The following METAP1 variants were observed in gnomAD, a reference collection of about 807,000 sequenced individuals.
METAP1 encodes methionine aminopeptidase 1.
Under a neutral mutation model 53.8 loss-of-function variants are expected in METAP1, and 28 were observed. That is an observed-to-expected ratio of 0.52 (90% CI 0.39 to 0.71). The LOEUF is 0.71. METAP1 is among the 30% of genes least tolerant of loss of function. The probability of loss-of-function intolerance (pLI) is 0.00; values close to 1 mark genes in which losing one functional copy is unlikely to be tolerated. For missense variants in METAP1, 389 were observed against 479.8 expected (o/e 0.81, Z 1.77); for synonymous variants, 181 against 165.7 (o/e 1.09, Z -0.71).
chr4:99,054,798 G>C (rs1470399207), intron 9 of METAP1, among the ~76,000 whole-genome samples: 3 of 152,174 alleles, frequency 2.0e-5, no homozygotes, highest in African/African-American at 7.2e-5. Context: ...GGAGGCCTGA[G>C]GAGAGGGAGA....
rs1222734710 is a variant in METAP1 at position 99,046,848 on chromosome 4, T to G, written c.787+1538T>G. On this transcript the variant is annotated intron_variant, in intron 8 of 10. Coordinates refer to ENST00000296411, the MANE Select transcript of METAP1 (RefSeq NM_015143.3). ...GTTTAATTTGTCATTTGTGAAAGCT[T>G]AAGTTTGAAATAATTTTTAGAGTTT... Among the ~76,000 whole-genome samples, 3 of 148,934 alleles carry G rather than the reference T, an allele frequency of 2.0e-5. 1 individual carries two copies. The highest frequency in any genetic ancestry group is 4.2e-4 in the South Asian group (2 of 4,774).
intron 3 of METAP1, 98 bp from the exon 4 acceptor site, chr4:99,035,302 C>A: frequency 1.3e-6 from 1 of 774,838 alleles, no homozygotes; most frequent in Non-Finnish European, 2.2e-6. Flanking sequence ...ATTTAAGATG[C>A]CATTTAAAAC....
intron 9 of METAP1, among the ~76,000 whole-genome samples, chr4:99,055,470 C>T (rs1161748486): frequency 6.6e-6 from 1 of 151,790 alleles, no homozygotes; most frequent in Non-Finnish European, 1.5e-5. Context: ...TAAAACAAGG[C>T]ATGCCTGCAT....
At chr4:99,005,657 T>C (rs962361401) in intron 1 of METAP1, 2 of 276,182 alleles carry the variant, frequency 7.2e-6, no homozygotes, top group Non-Finnish European at 7.3e-6. Flanking sequence ...ATTGCAAAGA[T>C]AGGGAACCAA....
At position 99,012,678 on chromosome 4, in the gene METAP1, T is replaced by A. The variant is rs925168217; in HGVS notation, c.115-16189T>A. ...TTTTTTTTTTTTTTTTTTTTTTTTT[T>A]AAAGATTTAAAGAGGTTTATTCTGA... On this transcript the variant is annotated intron_variant, in intron 1 of 10. Transcript: ENST00000296411. Among the ~76,000 whole-genome samples, 448 of 145,594 alleles carry A rather than the reference T, an allele frequency of 3.1e-3. 5 individuals carry two copies. The highest frequency in any genetic ancestry group is 0.011 in the African/African-American group (415 of 38,120).
At chr4:99,026,995 C>T (rs1163575722) in intron 1 of METAP1, 1 of 359,002 alleles carries the variant, frequency 2.8e-6, no homozygotes, top group Non-Finnish European at 3.9e-6. Context: ...ATTCTATCAG[C>T]CCTCTTGTTA....
intron 2 of METAP1, chr4:99,031,650 TGTACCATGCA>T: frequency 8.9e-7 from 1 of 1,128,516 alleles, no homozygotes; most frequent in Non-Finnish European, 1.2e-6. Flanking sequence ...GCTTAGCATG[TGTACCATGCA>T]TAGTAAGTAC....
chr4:99,046,936 CAAAAAAAAAAA>C (rs56702946), intron 8 of METAP1, among the ~76,000 whole-genome samples: 2 of 82,208 alleles, frequency 2.4e-5, no homozygotes, highest in African/African-American at 7.5e-5. Flanking sequence ...ACTGAAGAAA[CAAAAAAAAAAA>C]AAAAAAAAAA....
intron 1 of METAP1, chr4:99,023,295 G>A (rs2110314080): frequency 3.7e-6 from 2 of 543,916 alleles, no homozygotes; most frequent in South Asian, 5.9e-5. Flanking sequence ...AGTTGCATAT[G>A]TTTTGCTCGT....
Position 99,057,815 on chromosome 4 carries a change from GA to G in METAP1, c.996del (p.Gly333AlafsTer15). On this transcript the variant is annotated frameshift_variant and splice_region_variant, in exon 10 of 11. Transcript: ENST00000296411. LOFTEE classifies it high-confidence loss of function. ...HVFTIEPMIC[E>X]GGWQDETWPD... ...ATTTACAATTGAGCCAATGATTTGT[GA>G]AGGTGAGAAAAAAGGATGCCATGAT... The G allele has an allele frequency of 6.3e-7, 1 of 1,590,890 alleles. No individual in the cohort carries two copies. Among genetic ancestry groups the G allele is most frequent in the Non-Finnish European group, 8.6e-7 (1 of 1,167,742 alleles).
chr4:99,052,595 C>T (rs1726791019), intron 9 of METAP1, among the ~76,000 whole-genome samples: 1 of 152,146 alleles, frequency 6.6e-6, no homozygotes. Flanking sequence ...GGAGGTGGTG[C>T]TAAACCATTC....
At chr4:99,008,941 A>G (rs1393523015) in intron 1 of METAP1, among the ~76,000 whole-genome samples, 4 of 152,206 alleles carry the variant, frequency 2.6e-5, no homozygotes, top group Non-Finnish European at 5.9e-5. Flanking sequence ...TGTATAGTTC[A>G]GTAGTGTTAA....
chr4:98,998,433 G>A (rs534078526), intron 1 of METAP1, among the ~76,000 whole-genome samples: 2 of 152,316 alleles, frequency 1.3e-5, no homozygotes, highest in East Asian at 1.9e-4. Context: ...TGAGACACAA[G>A]AATCACTTGA....
At position 99,026,312 on chromosome 4, in the gene METAP1, A is replaced by G. The variant is rs17028378; in HGVS notation, c.115-2555A>G. ...TATAATAATGCTTTGGTGTTATTAA[A>G]TAAGTGGAGAATAAAGTAGTAAAAC... On this transcript the variant is annotated intron_variant, in intron 1 of 10. Coordinates refer to ENST00000296411, the MANE Select transcript of METAP1 (RefSeq NM_015143.3). 5,227 of 985,242 alleles carry G rather than the reference A, an allele frequency of 5.3e-3. 164 individuals carry two copies. The African/African-American group carries it at 0.076, about 14-fold the overall frequency. The allele number at this position is 985,242 out of a possible 1,614,324, so 61.0% of individuals were successfully genotyped here. A position where few individuals can be genotyped will look rare whatever the true frequency, so the allele number is the denominator to read the frequency against.
Position 99,061,646 on chromosome 4 carries a change from G to T in METAP1, c.*329G>T. 5.3e-6 allele frequency: 1 copy of T among 189,882 alleles called. No homozygotes were observed. Among genetic ancestry groups the T allele is most frequent in the Non-Finnish European group, 1.1e-5 (1 of 93,376 alleles). 11.8% of individuals were successfully genotyped at this position (189,882 alleles called of 1,614,324 possible). A position where few individuals can be genotyped will look rare whatever the true frequency, so the allele number is the denominator to read the frequency against. ...CCATCAAGAGCCATCTGCTTTCCAG[G>T]TGAACATTGGAAATGAGAATCTTTG... On this transcript the variant is annotated 3_prime_UTR_variant, in exon 11 of 11. Transcript: ENST00000296411.
intron 1 of METAP1, among the ~76,000 whole-genome samples, chr4:99,016,788 C>G (rs934443406): frequency 2.0e-5 from 3 of 152,186 alleles, no homozygotes; most frequent in Non-Finnish European, 4.4e-5. Flanking sequence ...AGTGACCTGT[C>G]TGGCCAGGGT....
chr4:99,000,296 CTATTTA>C (rs1722857965), intron 1 of METAP1, among the ~76,000 whole-genome samples: 1 of 152,178 alleles, frequency 6.6e-6, no homozygotes, highest in Non-Finnish European at 1.5e-5. Context: ...TGATCTGTAA[CTATTTA>C]TATTTATAAG....
chr4:98,996,800 C>T (rs1003054645), intron 1 of METAP1, among the ~76,000 whole-genome samples: 2 of 152,196 alleles, frequency 1.3e-5, no homozygotes, highest in African/African-American at 2.4e-5. Flanking sequence ...CTCTTAGTTA[C>T]AGTCCAGGTT....
intron 9 of METAP1, 87 bp from the exon 10 acceptor site, chr4:99,057,666 A>G (rs781557661): frequency 3.5e-4 from 330 of 936,110 alleles, no homozygotes; most frequent in Non-Finnish European, 4.8e-4. Flanking sequence ...ACTGATGGGA[A>G]TTTGAGTTAT....
Sources: gnomAD v4.1 joint callset for allele counts (sites outside exome capture counted in the v4.1 genomes callset) on GRCh38, gnomAD v4.1.1 for gene constraint, MANE v1.5 for transcripts, NCBI Gene and HGNC (gene_info 2026-07-23, HGNC 2026-07-21) for gene names.